The following ALDH1A2 variants were observed in gnomAD, a reference collection of about 807,000 sequenced individuals.
ALDH1A2 encodes retinal dehydrogenase 2.
In ALDH1A2, 27 loss-of-function variants were observed where a neutral mutation model predicts 60.3. The observed-to-expected ratio is 0.45, with a 90% CI of 0.33 to 0.62. The LOEUF is 0.62. Ranked by LOEUF, ALDH1A2 falls within the 20% of genes least tolerant of loss-of-function variation. ALDH1A2 has a pLI of 0.02. For synonymous variants in ALDH1A2, 289 were observed against 232.4 expected (o/e 1.24, Z -2.21); for missense variants, 581 against 643.8 (o/e 0.90, Z 1.06).
At chr15:58,039,616 G>A (rs945716936) in intron 1 of ALDH1A2, among the ~76,000 whole-genome samples, 1 of 151,790 alleles carries the variant, frequency 6.6e-6, no homozygotes, top group East Asian at 1.9e-4. Context: ...AACCACTAGA[G>A]TTTTTCCAGA....
intron 1 of ALDH1A2, chr15:58,014,509 A>G (rs764881088): frequency 5.2e-6 from 3 of 582,254 alleles, no homozygotes; most frequent in South Asian, 3.0e-5. Context: ...CCTTTCATGA[A>G]CCTGTCAACT....
At chr15:57,958,846 T>C (rs1376029632) in intron 12 of ALDH1A2, among the ~76,000 whole-genome samples, 6 of 152,158 alleles carry the variant, frequency 3.9e-5, no homozygotes, top group African/African-American at 1.4e-4. Context: ...ACATGCAATC[T>C]AGACAAGATG....
intron 3 of ALDH1A2, 82 bp from the exon 4 acceptor site, chr15:58,010,860 A>AAG: frequency 6.4e-7 from 1 of 1,551,706 alleles, no homozygotes; most frequent in East Asian, 2.3e-5. Context: ...AGAAAAAAGG[A>AAG]AGAGAGAGAA....
At position 57,978,445 on chromosome 15, in the gene ALDH1A2, A is replaced by T. The variant is rs1049012143; in HGVS notation, c.799-12618T>A. Among the ~76,000 whole-genome samples the T allele has an allele frequency of 5.3e-5, 8 of 152,180 alleles. No individual in the cohort carries two copies. In the South Asian group the frequency reaches 1.7e-3, roughly 32 times the overall value. On this transcript the variant is annotated intron_variant, in intron 7 of 12. Transcript: ENST00000249750. ...CTTTTCTGTATCTGCTGAGATAATC[A>T]TGTGGTTTTTGTCATTGGTTCCGTT...
intron 3 of ALDH1A2, chr15:58,012,019 G>A (rs1375005021): frequency 6.6e-6 from 1 of 152,120 alleles, no homozygotes; most frequent in African/African-American, 2.4e-5. Context: ...TTGGATGCAG[G>A]ATTAGCTTCA....
chr15:58,060,035 G>T (rs1258414024), intron 1 of ALDH1A2, among the ~76,000 whole-genome samples: 1 of 152,138 alleles, frequency 6.6e-6, no homozygotes, highest in African/African-American at 2.4e-5. Context: ...TGATTCTCCT[G>T]CCTCAGCCTT....
intron 1 of ALDH1A2, among the ~76,000 whole-genome samples, chr15:58,050,939 T>C (rs4646571): frequency 0.31 from 47,721 of 151,898 alleles, 8,153 homozygotes; most frequent in Non-Finnish European, 0.4. Flanking sequence ...TATCCTAAGG[T>C]TGAAGAAGGC....
rs567082714 is a variant in ALDH1A2, at chr15:58,038,182, T to A, written c.118-23901A>T. ...ATCTCTTTCAACAGTATTTACTCAG[T>A]GTCTTCTCTATTCTAGGCATTGTAT... On this transcript the variant is annotated intron_variant, in intron 1 of 12. Transcript: ENST00000249750. Among the ~76,000 whole-genome samples, 9 of 151,848 alleles carry A rather than the reference T, an allele frequency of 5.9e-5. No homozygotes were observed. In the South Asian group the frequency reaches 1.9e-3, roughly 32 times the overall value.
chr15:58,022,437 C>T (rs1016861228), intron 1 of ALDH1A2, among the ~76,000 whole-genome samples: 1 of 152,140 alleles, frequency 6.6e-6, no homozygotes, highest in African/African-American at 2.4e-5. Flanking sequence ...AGAGGATCAT[C>T]CTACTACTGC....
intron 1 of ALDH1A2, among the ~76,000 whole-genome samples, chr15:58,048,486 T>C (rs1319655333): frequency 2.6e-5 from 4 of 152,044 alleles, no homozygotes; most frequent in African/African-American, 7.2e-5. Context: ...AGAGGACAGT[T>C]TGGTCAGCCT....
At chr15:58,043,863 A>G (rs1419712991) in intron 1 of ALDH1A2, among the ~76,000 whole-genome samples, 1 of 152,006 alleles carries the variant, frequency 6.6e-6, no homozygotes, top group Non-Finnish European at 1.5e-5. Context: ...TAAACATAGT[A>G]GAGGCTCCTT....
chr15:58,041,274 C>T (rs376642737), intron 1 of ALDH1A2, among the ~76,000 whole-genome samples: 1 of 151,840 alleles, frequency 6.6e-6, no homozygotes, highest in African/African-American at 2.4e-5. Context: ...TGTTTTCCAT[C>T]AATAATATGT....
chr15:58,002,707 T>C (rs1205945286), intron 4 of ALDH1A2, among the ~76,000 whole-genome samples: 1 of 151,944 alleles, frequency 6.6e-6, no homozygotes, highest in African/African-American at 2.4e-5. Flanking sequence ...ATAAAAACGA[T>C]TTTATTCAAT....
intron 4 of ALDH1A2, among the ~76,000 whole-genome samples, chr15:58,004,693 TTGTGTGTGTGCG>T (rs1192778630): frequency 7.3e-6 from 1 of 137,056 alleles, no homozygotes; most frequent in Non-Finnish European, 1.6e-5. Context: ...ATCCCATGAT[TTGTGTGTGTGCG>T]TGTGTGTGTG....
intron 1 of ALDH1A2, among the ~76,000 whole-genome samples, chr15:58,029,002 G>C (rs1004339260): frequency 1.3e-5 from 2 of 152,050 alleles, no homozygotes; most frequent in East Asian, 3.9e-4. Flanking sequence ...AAGAAAGAAG[G>C]TTAACAAGGA....
chr15:58,016,118 C>T (rs747704247), intron 1 of ALDH1A2, among the ~76,000 whole-genome samples: 3 of 151,514 alleles, frequency 2.0e-5, no homozygotes, highest in East Asian at 1.9e-4. Flanking sequence ...TGCAGTATCA[C>T]CAAGGCCCAC....
At chr15:57,997,416 T>A (rs1895099911) in intron 4 of ALDH1A2, among the ~76,000 whole-genome samples, 1 of 151,976 alleles carries the variant, frequency 6.6e-6, no homozygotes, top group Non-Finnish European at 1.5e-5. Context: ...TGGGTTCAGG[T>A]GGATAGTCAC....
At chr15:58,042,127 T>C (rs147590997) in intron 1 of ALDH1A2, among the ~76,000 whole-genome samples, 216 of 152,098 alleles carry the variant, frequency 1.4e-3, no homozygotes, top group Non-Finnish European at 2.7e-3. Flanking sequence ...TACCAATTTC[T>C]AAACATGACA....
chr15:58,020,307 A>G (rs1470806880), intron 1 of ALDH1A2, among the ~76,000 whole-genome samples: 1 of 152,166 alleles, frequency 6.6e-6, no homozygotes, highest in Non-Finnish European at 1.5e-5. Context: ...TTATAATATG[A>G]TTTATATTCC....
Sources: gnomAD v4.1 joint callset for allele counts (sites outside exome capture counted in the v4.1 genomes callset) on GRCh38, gnomAD v4.1.1 for gene constraint, MANE v1.5 for transcripts, NCBI Gene and HGNC (gene_info 2026-07-23, HGNC 2026-07-21) for gene names.